Variants in MAP1B observed in about 807,000 individuals in gnomAD.
MAP1B encodes microtubule-associated protein 1B.
In MAP1B, 12 loss-of-function variants were observed where a neutral mutation model predicts 176.1. That is an observed-to-expected ratio of 0.07 (90% confidence interval 0.04 to 0.11). The LOEUF is 0.11. MAP1B is among the 10% of genes least tolerant of loss of function. MAP1B has a pLI of 1.00. For missense variants in MAP1B, 2,523 were observed against 2,990.5 expected (o/e 0.84, Z 3.65); for synonymous variants, 1,044 against 1,135.0 (o/e 0.92, Z 1.61).
intron 2 of MAP1B, among the ~76,000 whole-genome samples, chr5:72,134,282 A>G (rs969642312): frequency 2.6e-5 from 4 of 152,176 alleles, no homozygotes; most frequent in Admixed American, 2.0e-4. Context: ...TCCTTTTAGT[A>G]TTGTCGCAGC....
At chr5:72,163,227 C>CAA (rs10608907) in intron 2 of MAP1B, among the ~76,000 whole-genome samples, 81 of 78,052 alleles carry the variant, frequency 1.0e-3, no homozygotes, top group African/African-American at 2.7e-3. Flanking sequence ...GACTCCATCT[C>CAA]AAAAAAAAAA....
intron 2 of MAP1B, among the ~76,000 whole-genome samples, chr5:72,155,579 T>C (rs1465420231): frequency 6.6e-6 from 1 of 152,188 alleles, no homozygotes; most frequent in East Asian, 1.9e-4. Context: ...ATTTGGAGCC[T>C]GTCTACACCA....
intron 2 of MAP1B, among the ~76,000 whole-genome samples, chr5:72,159,413 T>C (rs1286313940): frequency 7.2e-6 from 1 of 139,164 alleles, no homozygotes; most frequent in Non-Finnish European, 1.6e-5. Flanking sequence ...ATGTCTGGTG[T>C]CTGGAAGCTA....
chr5:72,111,956 A>T (rs1745351189), intron 1 of MAP1B, among the ~76,000 whole-genome samples: 1 of 152,214 alleles, frequency 6.6e-6, no homozygotes, highest in Admixed American at 6.5e-5. Context: ...CTGGCTTTAA[A>T]AAAAGAAAAA....
At chr5:72,162,679 C>T (rs781658265) in intron 2 of MAP1B, among the ~76,000 whole-genome samples, 15 of 152,188 alleles carry the variant, frequency 9.9e-5, no homozygotes, top group Non-Finnish European at 1.9e-4. Flanking sequence ...TTGCTGCTTA[C>T]ACACATTGTG....
At position 72,195,538 on chromosome 5, in the gene MAP1B, C is replaced by T; in HGVS notation, c.2183C>T (p.Pro728Leu). 1 of 1,589,008 alleles carries T rather than the reference C, an allele frequency of 6.3e-7. No homozygotes were observed. The highest frequency in any genetic ancestry group is 1.2e-5 in the South Asian group (1 of 84,648). Residue 728 changes from proline to leucine, a missense_variant, in exon 5 of 7, where the codon CCC becomes CTC. Pro to Leu is a moderately conservative substitution (Grantham distance 98). This residue lies in a region of MAP1B where 1,925 missense variants were observed against 2,126.0 expected (regional missense o/e 0.91). Coordinates refer to ENST00000296755, the MANE Select transcript of MAP1B (RefSeq NM_005909.5). Reference protein sequence around the residue: ...KKEVKKEEKEPKKEIKKLPKD... With the variant: ...KKEVKKEEKELKKEIKKLPKD... ...GAAGTGAAAAAGGAAGAAAAGGAAC[C>T]CAAAAAAGAAATTAAGAAGCTCCCT...
At position 72,198,720 on chromosome 5, in the gene MAP1B, C is replaced by G; in HGVS notation, c.5365C>G (p.Pro1789Ala). Reference protein sequence around the residue: ...SPKSDISPLTPRESSPLYSPT... With the variant: ...SPKSDISPLTARESSPLYSPT... ...AAAATCTGATATCTCTCCACTCACC[C>G]CACGAGAGTCCTCTCCTTTATATTC... The change falls in exon 5 of 7, where the codon CCA becomes GCA. Residue 1789 changes from proline (P) to alanine (A), a missense_variant. Physicochemically the swap from Pro to Ala is conservative, Grantham distance 27 (BLOSUM62 -1). Around this residue, in one of 4 missense-constraint regions of MAP1B, gnomAD observed 1,925 missense variants for 2,126.0 expected, o/e 0.91. Coordinates refer to ENST00000296755, the MANE Select transcript of MAP1B (RefSeq NM_005909.5). 1 of 1,614,166 alleles carries G rather than the reference C, an allele frequency of 6.2e-7. No homozygotes were observed. Among genetic ancestry groups the G allele is most frequent in the Non-Finnish European group, 8.5e-7 (1 of 1,180,016 alleles).
intron 2 of MAP1B, among the ~76,000 whole-genome samples, chr5:72,153,095 G>A (rs959711118): frequency 9.2e-5 from 14 of 152,186 alleles, no homozygotes; most frequent in African/African-American, 3.4e-4. Flanking sequence ...ATTCCGACCC[G>A]ACTATAGTCA....
intron 2 of MAP1B, chr5:72,179,915 G>A (rs1051627235): frequency 4.1e-6 from 4 of 985,386 alleles, no homozygotes; most frequent in Middle Eastern, 5.2e-4. Flanking sequence ...GAGGTAAATG[G>A]CAACTGTCAC....
chr5:72,134,371 G>A lies in MAP1B; in HGVS notation c.286+18572G>A, dbSNP rs566895860. 2.6e-5 allele frequency among the ~76,000 whole-genome samples: 4 copies of A among 152,188 alleles called. 1 individual carries two copies. Among genetic ancestry groups the A allele is most frequent in the African/African-American group, 9.6e-5 (4 of 41,518 alleles). Reference sequence around the variant, plus strand: ...TGAGAAGGGCTTGCCTGCACCTCACGGCCACCTCCCTTCTTCTGCAGGGTA... The same window carrying A: ...TGAGAAGGGCTTGCCTGCACCTCACAGCCACCTCCCTTCTTCTGCAGGGTA... On this transcript the variant is annotated intron_variant, in intron 2 of 6. Transcript: ENST00000296755.
In MAP1B at chr5:72,165,780, A is replaced by T. The variant is rs116360157; in HGVS notation, c.287-17963A>T. Among the ~76,000 whole-genome samples the T allele has an allele frequency of 6.4e-3, 982 of 152,344 alleles. 1 individual carries two copies. The highest frequency in any genetic ancestry group is 0.027 in the Middle Eastern group (8 of 294). Reference sequence around the variant, plus strand: ...TTACTATTAAAATGTGAAAAAGCTCATAAGTGTATCACCCCAATCTTGCAT... The same window carrying T: ...TTACTATTAAAATGTGAAAAAGCTCTTAAGTGTATCACCCCAATCTTGCAT... On this transcript the variant is annotated intron_variant, in intron 2 of 6. Coordinates refer to ENST00000296755, the MANE Select transcript of MAP1B (RefSeq NM_005909.5).
intron 1 of MAP1B, among the ~76,000 whole-genome samples, chr5:72,111,655 C>A (rs1745343699): frequency 6.6e-6 from 1 of 152,166 alleles, no homozygotes; most frequent in Non-Finnish European, 1.5e-5. Context: ...AGATGGATTT[C>A]TGCTTGCACT....
intron 5 of MAP1B, among the ~76,000 whole-genome samples, chr5:72,200,714 C>T (rs773377019): frequency 6.6e-6 from 1 of 152,112 alleles, no homozygotes; most frequent in Non-Finnish European, 1.5e-5. Context: ...GCCATACTGG[C>T]CTCAGAATCC....
In MAP1B at chr5:72,197,639, T is replaced by C; in HGVS notation, c.4284T>C (p.Pro1428=). 1 of 1,614,212 alleles carries C rather than the reference T, an allele frequency of 6.2e-7. No individual in the cohort carries two copies. Among genetic ancestry groups the C allele is most frequent in the Non-Finnish European group, 8.5e-7 (1 of 1,180,022 alleles). ...DKASGRGAES[P]FEEKSGKQGS... The stretch of plus-strand genomic sequence containing the variant: ...CTTCTGGCAGAGGTGCCGAAAGTCC[T>C]TTTGAAGAAAAGAGTGGAAAACAAG... The change falls in exon 5 of 7, where the codon CCT becomes CCC. Residue 1428 remains proline, a synonymous_variant. Transcript: ENST00000296755.
rs1284807380 is a variant in MAP1B, at chr5:72,198,674, GGAA to G, written c.5321_5323del (p.Glu1774del). On this transcript the variant is annotated inframe_deletion, in exon 5 of 7. Coordinates refer to ENST00000296755, the MANE Select transcript of MAP1B (RefSeq NM_005909.5). ...TCACCTCTGAAAAAGTGCAAAGTCTGGAAGGAGAGAAGCTCTCTCCAAAATCTG... is the reference window on the plus strand; with the variant it reads ...TCACCTCTGAAAAAGTGCAAAGTCTGGGAGAGAAGCTCTCTCCAAAATCTG... 10 of 1,614,184 alleles carry G rather than the reference GGAA, an allele frequency of 6.2e-6. No homozygotes were observed. The highest frequency in any genetic ancestry group is 3.3e-4 in the Middle Eastern group (2 of 6,062).
intron 2 of MAP1B, among the ~76,000 whole-genome samples, chr5:72,177,413 G>T (rs1746672181): frequency 6.7e-6 from 1 of 149,782 alleles, no homozygotes; most frequent in African/African-American, 2.6e-5. Context: ...GGGGCTGCTT[G>T]TGAGGCTTCC....
chr5:72,195,624 C>G lies in MAP1B; in HGVS notation c.2269C>G (p.Pro757Ala), dbSNP rs1385604742. The G allele has an allele frequency of 1.2e-6, 2 of 1,614,072 alleles. No individual in the cohort carries two copies. The highest frequency in any genetic ancestry group is 1.7e-6 in the Non-Finnish European group (2 of 1,180,042). The change falls in exon 5 of 7, where the codon CCA (proline) becomes GCA (alanine). Residue 757 changes from proline to alanine, a missense_variant. Transcript: ENST00000296755. ...SEAKKPAALK[P>A]KVPKKEESVK... ...AGCAAAAAAACCAGCTGCTTTAAAA[C>G]CAAAAGTACCCAAGAAGGAAGAGTC...
intron 2 of MAP1B, among the ~76,000 whole-genome samples, chr5:72,137,524 T>C (rs912962671): frequency 8.5e-5 from 13 of 152,210 alleles, no homozygotes; most frequent in Admixed American, 2.0e-4. Flanking sequence ...CAAGCAAATA[T>C]TGATTTTAAA....
intron 1 of MAP1B, 107 bp downstream of exon 1, chr5:72,107,822 C>CTA: frequency 1.7e-6 from 2 of 1,143,684 alleles, no homozygotes; most frequent in South Asian, 1.3e-5. Flanking sequence ...CGCACCCATG[C>CTA]CTCTCCTCGT....
Sources: gnomAD v4.1 joint callset for allele counts (sites outside exome capture counted in the v4.1 genomes callset) on GRCh38, gnomAD v4.1.1 for gene constraint, gnomAD v4.1.1 regional missense constraint, MANE v1.5 for transcripts, NCBI Gene and HGNC (gene_info 2026-07-23, HGNC 2026-07-21) for gene names.